Variants in DMD observed in about 807,000 individuals in gnomAD.
The protein encoded by DMD is dystrophin.
A neutral mutation model predicts 330.1 loss-of-function variants in DMD; 63 were observed. The ratio of observed to expected loss-of-function variants is 0.19; its 90% CI spans 0.16 to 0.24. The LOEUF is 0.24. Among genes scored for constraint, DMD ranks in the 10% least tolerant of loss-of-function variants. The pLI, the probability that DMD is intolerant of heterozygous loss-of-function variation, is 1.00. For missense variants in DMD, 3,344 were observed against 2,684.1 expected (o/e 1.25, Z -5.43); for synonymous variants, 1,223 against 959.8 (o/e 1.27, Z -5.07).
intron 7 of DMD, among the ~76,000 whole-genome samples, chrX:32,703,930 C>T (rs751334597): frequency 9.0e-6 from 1 of 111,637 alleles, no homozygotes; most frequent in Admixed American, 9.6e-5. Context: ...CGTAATTTTA[C>T]ACCAAGACTC....
At chrX:32,252,773 A>AATAT (rs1409033219) in intron 43 of DMD, among the ~76,000 whole-genome samples, 2 of 35,846 alleles carry the variant, frequency 5.6e-5, no homozygotes, top group Admixed American at 5.3e-4. Context: ...AATATATATA[A>AATAT]ATATATATAA....
intron 1 of DMD, among the ~76,000 whole-genome samples, chrX:33,166,327 G>A (rs2049051233): frequency 9.0e-6 from 1 of 110,920 alleles, no homozygotes; most frequent in Admixed American, 9.7e-5. Flanking sequence ...ATGAGAAGAT[G>A]TGAGAAAGAG....
chrX:31,387,510 C>T (rs1386597603), intron 60 of DMD, among the ~76,000 whole-genome samples: 4 of 111,313 alleles, frequency 3.6e-5, no homozygotes, highest in African/African-American at 1.3e-4. Flanking sequence ...TGTGACTCTC[C>T]TGCCTCAGCC....
At chrX:31,372,170 T>C (rs1172144250) in intron 60 of DMD, among the ~76,000 whole-genome samples, 1 of 111,510 alleles carries the variant, frequency 9.0e-6, no homozygotes, top group East Asian at 2.8e-4. Context: ...CTACCTGATG[T>C]CTGGGACACT....
At chrX:32,255,515 C>A (rs1336418451) in intron 43 of DMD, among the ~76,000 whole-genome samples, 1 of 110,810 alleles carries the variant, frequency 9.0e-6, no homozygotes, top group African/African-American at 3.3e-5. Context: ...TATTTACTAT[C>A]TTGTTCCTTA....
intron 74 of DMD, among the ~76,000 whole-genome samples, chrX:31,155,101 G>A (rs1222421358): frequency 1.8e-5 from 2 of 112,367 alleles, no homozygotes; most frequent in Non-Finnish European, 3.8e-5. Context: ...AATTGGCAAG[G>A]CTTGTTCCCT....
intron 60 of DMD, among the ~76,000 whole-genome samples, chrX:31,428,340 C>T (rs183925899): frequency 1.1e-4 from 12 of 111,207 alleles, no homozygotes; most frequent in African/African-American, 3.9e-4. Flanking sequence ...CACCATGTGA[C>T]ACGCTGGTTC....
Position 31,178,813 on chromosome X carries a change from G to T in DMD, c.10087-8C>A, listed in dbSNP as rs1261494456. ...ATCTTCTCCTGATGTAGTCTAAAAG[G>T]GAGATCATGGTGAGATCAGATTTAG... On this transcript the variant is annotated splice_region_variant and splice_polypyrimidine_tract_variant and intron_variant, in intron 69 of 78. Transcript: ENST00000357033. 3 of 1,209,168 alleles carry T rather than the reference G, an allele frequency of 2.5e-6. No individual in the cohort carries two copies. The highest frequency in any genetic ancestry group is 3.4e-6 in the Non-Finnish European group (3 of 893,661).
chrX:32,635,781 A>C (rs1239918547), intron 11 of DMD, among the ~76,000 whole-genome samples: 1 of 111,968 alleles, frequency 8.9e-6, no homozygotes, highest in Non-Finnish European at 1.9e-5. Context: ...TTAAAGCCAG[A>C]ATCCAAACAG....
intron 1 of DMD, among the ~76,000 whole-genome samples, chrX:33,198,243 T>A (rs183348137): frequency 9.0e-6 from 1 of 111,595 alleles, no homozygotes; most frequent in Non-Finnish European, 1.9e-5. Flanking sequence ...AAATGTCTAT[T>A]AAGGCTTTTC....
intron 4 of DMD, among the ~76,000 whole-genome samples, chrX:32,842,275 A>T (rs1381390811): frequency 1.8e-5 from 2 of 112,468 alleles, no homozygotes; most frequent in Non-Finnish European, 3.8e-5. Context: ...GGGCTCCTCT[A>T]GCCCCAAAGG....
At chrX:32,456,612 GTGTGTA>G (rs1374329977) in intron 25 of DMD, among the ~76,000 whole-genome samples, 6 of 100,054 alleles carry the variant, frequency 6.0e-5, no homozygotes, top group Non-Finnish European at 1.0e-4. Context: ...GTGTGTGTGT[GTGTGTA>G]TGTGTGTGTG....
intron 67 of DMD, among the ~76,000 whole-genome samples, chrX:31,188,038 C>A (rs2041980946): frequency 1.8e-5 from 2 of 112,116 alleles, no homozygotes; most frequent in Non-Finnish European, 3.8e-5. Flanking sequence ...TTTCAAAAAA[C>A]TATAGATTCT....
chrX:32,692,380 A>C (rs894454193), intron 9 of DMD, among the ~76,000 whole-genome samples: 16 of 111,802 alleles, frequency 1.4e-4, no homozygotes, highest in African/African-American at 5.2e-4. Context: ...TCCTCGAAGC[A>C]AATTAGTGAT....
At chrX:32,336,318 G>A (rs1479670375) in intron 41 of DMD, among the ~76,000 whole-genome samples, 2 of 111,219 alleles carry the variant, frequency 1.8e-5, no homozygotes, top group African/African-American at 6.5e-5. Flanking sequence ...GCCCAGCCAA[G>A]GACTATTTTA....
intron 32 of DMD, among the ~76,000 whole-genome samples, chrX:32,387,546 G>A (rs1219921071): frequency 9.0e-6 from 1 of 110,664 alleles, no homozygotes; most frequent in Non-Finnish European, 1.9e-5. Context: ...TAAAAGTAAT[G>A]TCTAAAAAAA....
intron 2 of DMD, among the ~76,000 whole-genome samples, chrX:32,862,576 C>A (rs1002502857): frequency 3.9e-5 from 4 of 102,131 alleles, no homozygotes; most frequent in Non-Finnish European, 7.9e-5. Context: ...ACCAGGTATT[C>A]TAAAGGAAAT....
At chrX:32,420,526 T>G (rs764213026) in intron 29 of DMD, among the ~76,000 whole-genome samples, 13 of 111,927 alleles carry the variant, frequency 1.2e-4, no homozygotes, top group Non-Finnish European at 2.4e-4. Flanking sequence ...GGTTGGTGGT[T>G]GTGAGCAAAC....
intron 4 of DMD, among the ~76,000 whole-genome samples, chrX:32,827,656 T>G (rs920232727): frequency 1.5e-5 from 1 of 68,883 alleles, no homozygotes; most frequent in African/African-American, 6.5e-5. Flanking sequence ...TGTTATTAAC[T>G]CCCCTTTTTT....
Sources: allele counts gnomAD v4.1 joint callset (sites outside exome capture counted in the v4.1 genomes callset), GRCh38; gene constraint gnomAD v4.1.1; transcripts MANE v1.5; gene names NCBI Gene and HGNC (gene_info 2026-07-23, HGNC 2026-07-21).